Variants in TACC1 observed in about 807,000 individuals in gnomAD.
TACC1 encodes transforming acidic coiled-coil containing protein 1.
A neutral mutation model predicts 84.4 loss-of-function variants in TACC1; 48 were observed. The ratio of observed to expected loss-of-function variants is 0.57; its 90% CI spans 0.45 to 0.72. The LOEUF is 0.72. Among genes scored for constraint, TACC1 ranks in the 30% least tolerant of loss-of-function variants. The pLI is 0.00. For missense variants in TACC1, 920 were observed against 973.0 expected (o/e 0.95, Z 0.72); for synonymous variants, 372 against 376.3 (o/e 0.99, Z 0.13).
At chr8:38,810,899 G>A (rs1215068838) in intron 2 of TACC1, among the ~76,000 whole-genome samples, 1 of 152,064 alleles carries the variant, frequency 6.6e-6, no homozygotes, top group African/African-American at 2.4e-5. Context: ...GGAGGATGAT[G>A]TGGGCCCAGG....
chr8:38,807,537 T>G (rs1473393471), intron 2 of TACC1, among the ~76,000 whole-genome samples: 1 of 152,214 alleles, frequency 6.6e-6, no homozygotes, highest in Non-Finnish European at 1.5e-5. Flanking sequence ...GAGGGAAAAG[T>G]CAAGCATAGC....
chr8:38,734,727 G>T (rs1234091988), intron 1 of TACC1, among the ~76,000 whole-genome samples: 1 of 152,270 alleles, frequency 6.6e-6, no homozygotes, highest in African/African-American at 2.4e-5. Flanking sequence ...GGCCTGCCGG[G>T]CCTGGCAGTC....
At chr8:38,799,923 TTTG>T (rs1820955903) in intron 2 of TACC1, 1 of 152,252 alleles carries the variant, frequency 6.6e-6, no homozygotes, top group African/African-American at 2.4e-5. Context: ...ATCCCAGCAC[TTTG>T]GGAGGCCAAA....
chr8:38,779,962 T>C (rs1815606397), intron 3 of TACC1, among the ~76,000 whole-genome samples: 1 of 152,278 alleles, frequency 6.6e-6, no homozygotes, highest in South Asian at 2.1e-4. Context: ...TTAAATGATC[T>C]TACTTGTTTT....
chr8:38,844,679 TTTATC>T (rs1831880636), intron 11 of TACC1, among the ~76,000 whole-genome samples: 1 of 152,142 alleles, frequency 6.6e-6, no homozygotes. Flanking sequence ...ATTTTTCAAG[TTTATC>T]ATTTGTCTTT....
At chr8:38,778,274 T>TTGTG (rs3076914) in intron 3 of TACC1, among the ~76,000 whole-genome samples, 6,901 of 148,294 alleles carry the variant, frequency 0.047, 255 homozygotes, top group African/African-American at 0.11. Flanking sequence ...ATAATTAAAA[T>TTGTG]TGTGTGTGTG....
chr8:38,830,031 A>T (rs958035289), intron 5 of TACC1, among the ~76,000 whole-genome samples: 7 of 152,208 alleles, frequency 4.6e-5, no homozygotes, highest in African/African-American at 1.4e-4. Context: ...TTCTGTAAGT[A>T]TCTGGCCAAG....
rs543454738 is a variant in TACC1, at chr8:38,851,294, T to C, written c.*3271T>C. 4.6e-5 allele frequency: 7 copies of C among 152,384 alleles called. No individual in the cohort carries two copies. The highest frequency in any genetic ancestry group is 1.3e-4 in the Admixed American group (2 of 15,312). 9.4% of individuals were successfully genotyped at this position (152,384 alleles called of 1,614,324 possible). On this transcript the variant is annotated 3_prime_UTR_variant, in exon 13 of 13. Coordinates refer to ENST00000317827, the MANE Select transcript of TACC1 (RefSeq NM_006283.3). ...GCCAGTTACCCTTTCAACCTACCCA[T>C]ACTTTGTACAACTCTTACACAAATA... is the stretch of plus-strand genomic sequence containing the variant.
In TACC1 at chr8:38,820,612, G is replaced by A; in HGVS notation, c.1368G>A (p.Lys456=). The change falls in exon 3 of 13, where the codon AAG becomes AAA. Residue 456 remains lysine, a synonymous_variant. Transcript: ENST00000317827. ...NHVNEILESP[K]KAKSRLITSG... Reference sequence around the variant, plus strand: ...TTAATGAAATCTTAGAATCACCCAAGAAGGCAAAGTCGCGTTTAATAACGT... The same window carrying A: ...TTAATGAAATCTTAGAATCACCCAAAAAGGCAAAGTCGCGTTTAATAACGT... The A allele has an allele frequency of 6.2e-7, 1 of 1,609,356 alleles. No homozygotes were observed. The highest frequency in any genetic ancestry group is 8.5e-7 in the Non-Finnish European group (1 of 1,179,736).
At chr8:38,747,788 A>G (rs1808337539) in intron 3 of TACC1, among the ~76,000 whole-genome samples, 1 of 152,246 alleles carries the variant, frequency 6.6e-6, no homozygotes, top group Admixed American at 6.5e-5. Flanking sequence ...ACATAAATAC[A>G]TTAGACATTT....
In TACC1 at chr8:38,742,679, C is replaced by T. The variant is rs1032015850; in HGVS notation, c.-574+228C>T. On this transcript the variant is annotated intron_variant, in intron 2 of 14. Coordinates refer to the TACC1 transcript ENST00000518415. ...CTTGGGCAAGTCTGTACTTCTGCTG[C>T]ATAGAATATATTTACTTATTTCTTT... Among the ~76,000 whole-genome samples, 7 of 152,152 alleles carry T rather than the reference C, an allele frequency of 4.6e-5. No individual in the cohort carries two copies. The East Asian group carries it at 1.3e-3, about 29-fold the overall frequency.
rs781648699 is a variant in TACC1 at position 38,820,333 on chromosome 8, T to C, written c.1089T>C (p.Gly363=). 4 of 1,613,942 alleles carry C rather than the reference T, an allele frequency of 2.5e-6. No homozygotes were observed. The South Asian group carries it at 4.4e-5, about 18-fold the overall frequency. ...AAGATGGCATCAGTAAGTCAGCAGG[T>C]TTAGAACAGCCTACAGACCCAGTGG... ...IQKDGISKSA[G]LEQPTDPVAR... is the part of the protein sequence containing the mutation. The change falls in exon 3 of 13, where the codon GGT becomes GGC. Residue 363 remains glycine (G), a synonymous_variant. Coordinates refer to ENST00000317827, the MANE Select transcript of TACC1 (RefSeq NM_006283.3).
intron 2 of TACC1, among the ~76,000 whole-genome samples, chr8:38,800,896 C>T (rs1338850904): frequency 8.5e-5 from 13 of 152,200 alleles, no homozygotes; most frequent in Admixed American, 7.9e-4. Context: ...TCTCCATATC[C>T]TCTCCAACAC....
At chr8:38,769,983 G>A (rs1422256952) in intron 3 of TACC1, among the ~76,000 whole-genome samples, 2 of 150,758 alleles carry the variant, frequency 1.3e-5, no homozygotes, top group Non-Finnish European at 3.0e-5. Flanking sequence ...ATGGGTGGGG[G>A]TGTATGATGT....
At chr8:38,743,983 A>G (rs1228967531) in intron 2 of TACC1, 1 of 152,250 alleles carries the variant, frequency 6.6e-6, no homozygotes, top group African/African-American at 2.4e-5. Context: ...ACCTCAGCAC[A>G]TGGCTTGTAC....
chr8:38,784,499 C>T (rs565541917), upstream of TACC1, among the ~76,000 whole-genome samples: 54 of 151,614 alleles, frequency 3.6e-4, no homozygotes, highest in Middle Eastern at 3.4e-3. Flanking sequence ...ACCCAGGAGG[C>T]GGAGGTTGCA....
At chr8:38,801,649 G>A (rs1208701508) in intron 2 of TACC1, among the ~76,000 whole-genome samples, 1 of 152,170 alleles carries the variant, frequency 6.6e-6, no homozygotes, top group Admixed American at 6.5e-5. Flanking sequence ...AAATCAAGAA[G>A]TATGAGGCCT....
Position 38,848,033 on chromosome 8 carries a change from C to G in TACC1, c.*10C>G, listed in dbSNP as rs927526962. On this transcript the variant is annotated 3_prime_UTR_variant, in exon 13 of 13. Transcript: ENST00000317827. ...GGGAAAGACTGACTGAGACACTCCC[C>G]CTGTTAGCTCAACAGATCTGCATTT... The G allele has an allele frequency of 9.7e-5, 157 of 1,612,136 alleles. 1 individual carries two copies. The Admixed American group carries it at 2.5e-3, about 26-fold the overall frequency.
intron 5 of TACC1, chr8:38,827,653 T>G: frequency 4.0e-4 from 161 of 407,010 alleles, no homozygotes; most frequent in East Asian, 1.1e-3. Flanking sequence ...AATATGGCCA[T>G]ATCTTAAAGT....
Sources: allele counts gnomAD v4.1 joint callset (sites outside exome capture counted in the v4.1 genomes callset), GRCh38; gene constraint gnomAD v4.1.1; transcripts MANE v1.5; gene names NCBI Gene and HGNC (gene_info 2026-07-23, HGNC 2026-07-21).